TNFRSF10D: variants seen among roughly 807,000 people sequenced by gnomAD.
TNFRSF10D encodes the protein tumor necrosis factor receptor superfamily member 10D.
A neutral mutation model predicts 42.1 loss-of-function variants in TNFRSF10D; 28 were observed. The observed-to-expected ratio is 0.66, with a 90% CI of 0.49 to 0.91. TNFRSF10D has a LOEUF of 0.91. TNFRSF10D is among the 40% of genes least tolerant of loss of function. The pLI is 0.00. For synonymous variants in TNFRSF10D, 186 were observed against 189.4 expected, an observed-to-expected ratio of 0.98 and a Z score of 0.15; for missense variants, 503 against 486.1, an observed-to-expected ratio of 1.03 and a Z score of -0.33.
intron 1 of TNFRSF10D, among the ~76,000 whole-genome samples, chr8:23,155,358 C>T (rs9314262): frequency 0.99 from 151,135 of 151,958 alleles, 75,166 homozygotes; most frequent in Middle Eastern, 1. Flanking sequence ...GTGATCCTCC[C>T]GCCTCAGTCT....
chr8:23,156,194 A>T (rs887717282), intron 1 of TNFRSF10D, among the ~76,000 whole-genome samples: 7 of 152,124 alleles, frequency 4.6e-5, no homozygotes, highest in East Asian at 1.9e-4. Context: ...TATTTTTCAA[A>T]TTTTTTTTGC....
chr8:23,150,991 GTAAT>G (rs1354524080), intron 2 of TNFRSF10D, among the ~76,000 whole-genome samples: 1 of 152,150 alleles, frequency 6.6e-6, no homozygotes, highest in Non-Finnish European at 1.5e-5. Context: ...AACAGAAAGT[GTAAT>G]TAAAGAAATA....
chr8:23,161,288 G>A (rs962448052), intron 1 of TNFRSF10D, among the ~76,000 whole-genome samples: 1 of 152,238 alleles, frequency 6.6e-6, no homozygotes, highest in Non-Finnish European at 1.5e-5. Flanking sequence ...AATCTCAGGA[G>A]TCCTTGAGAG....
At chr8:23,151,497 A>G (rs975597188) in intron 2 of TNFRSF10D, among the ~76,000 whole-genome samples, 4 of 152,266 alleles carry the variant, frequency 2.6e-5, no homozygotes, top group Non-Finnish European at 4.4e-5. Flanking sequence ...TACATGGTCA[A>G]GTTCAGAATA....
At chr8:23,159,203 G>C (rs1335052499) in intron 1 of TNFRSF10D, among the ~76,000 whole-genome samples, 1 of 151,958 alleles carries the variant, frequency 6.6e-6, no homozygotes. Flanking sequence ...TGGGCTCTAA[G>C]GATGCACCCA....
intron 1 of TNFRSF10D, among the ~76,000 whole-genome samples, chr8:23,157,236 T>C (rs1188371223): frequency 6.6e-6 from 1 of 152,082 alleles, no homozygotes; most frequent in Non-Finnish European, 1.5e-5. Flanking sequence ...GAAAGCTGTA[T>C]TATTTCACTC....
rs1289151608 is a variant in TNFRSF10D at position 23,136,799 on chromosome 8, A to T, written c.*1071T>A. The stretch of plus-strand genomic sequence containing the variant: ...CATCTACTTATAAATAAATAAATAA[A>T]TATTTATTTATAAATAAATATGGCT... On this transcript the variant is annotated 3_prime_UTR_variant, in exon 9 of 9. Coordinates refer to ENST00000312584, the MANE Select transcript of TNFRSF10D (RefSeq NM_003840.5). 3 of 151,808 alleles carry T rather than the reference A, an allele frequency of 2.0e-5. No homozygotes were observed. Among genetic ancestry groups the T allele is most frequent in the Admixed American group, 6.6e-5 (1 of 15,242 alleles). 9.4% of individuals were successfully genotyped at this position (151,808 alleles called of 1,614,324 possible). A position where few individuals can be genotyped will look rare whatever the true frequency, so the allele number is the denominator to read the frequency against.
At chr8:23,161,192 T>C (rs1406068947) in intron 1 of TNFRSF10D, among the ~76,000 whole-genome samples, 1 of 152,228 alleles carries the variant, frequency 6.6e-6, no homozygotes, top group Non-Finnish European at 1.5e-5. Flanking sequence ...TTATCTCCTC[T>C]TCACTTTACA....
intron 1 of TNFRSF10D, among the ~76,000 whole-genome samples, chr8:23,160,020 A>G (rs1056090881): frequency 1.3e-5 from 2 of 152,018 alleles, no homozygotes; most frequent in African/African-American, 4.8e-5. Context: ...CTCCACGCCA[A>G]CAATACCACA....
chr8:23,138,709 G>T (rs1424493355), intron 7 of TNFRSF10D, among the ~76,000 whole-genome samples: 1 of 152,130 alleles, frequency 6.6e-6, no homozygotes, highest in Non-Finnish European at 1.5e-5. Context: ...AATGATCTTT[G>T]ATCATCAGTA....
intron 2 of TNFRSF10D, among the ~76,000 whole-genome samples, chr8:23,152,459 A>C (rs781286105): frequency 1.2e-4 from 19 of 152,222 alleles, no homozygotes; most frequent in Non-Finnish European, 2.8e-4. Context: ...GCTGTGAACC[A>C]TTAGGTTTTA....
chr8:23,146,024 C>A, intron 4 of TNFRSF10D, 103 bp from the exon 5 acceptor site: 1 of 1,512,622 alleles, frequency 6.6e-7, no homozygotes, highest in South Asian at 1.2e-5. Context: ...GAGAAGGCGT[C>A]AGGAGGACAG....
At chr8:23,149,019 T>C (rs965470271) in intron 2 of TNFRSF10D, among the ~76,000 whole-genome samples, 6 of 151,072 alleles carry the variant, frequency 4.0e-5, no homozygotes, top group Admixed American at 6.6e-5. Flanking sequence ...TGAAACCCCA[T>C]CTCTACTAAA....
At chr8:23,152,908 C>G (rs1800228603) in intron 2 of TNFRSF10D, among the ~76,000 whole-genome samples, 1 of 152,012 alleles carries the variant, frequency 6.6e-6, no homozygotes, top group African/African-American at 2.4e-5. Flanking sequence ...CTCAAATAGC[C>G]AAAGTGATCT....
intron 2 of TNFRSF10D, among the ~76,000 whole-genome samples, chr8:23,152,291 A>T (rs1800221519): frequency 6.6e-6 from 1 of 152,226 alleles, no homozygotes; most frequent in Non-Finnish European, 1.5e-5. Flanking sequence ...GTGGGGAGCT[A>T]TCCAGTCCGA....
intron 2 of TNFRSF10D, among the ~76,000 whole-genome samples, chr8:23,148,930 C>A (rs1046848795): frequency 6.6e-6 from 1 of 151,432 alleles, no homozygotes; most frequent in Non-Finnish European, 1.5e-5. Flanking sequence ...GTGGCTCACG[C>A]CTGTAATCCC....
Position 23,154,553 on chromosome 8 carries a change from T to G in TNFRSF10D, c.256+321A>C, listed in dbSNP as rs577628291. On this transcript the variant is annotated intron_variant, in intron 2 of 8. Coordinates refer to ENST00000312584, the MANE Select transcript of TNFRSF10D (RefSeq NM_003840.5). The stretch of plus-strand genomic sequence containing the variant: ...TCTACTTTTATTGACATGTTATCAT[T>G]TTCATTATTTTTTCCACATATTTTT... Among the ~76,000 whole-genome samples, 11 of 152,302 alleles carry G rather than the reference T, an allele frequency of 7.2e-5. No homozygotes were observed. In the South Asian group the frequency reaches 2.1e-3, roughly 29 times the overall value.
At chr8:23,159,024 T>C (rs114458025) in intron 1 of TNFRSF10D, among the ~76,000 whole-genome samples, 622 of 151,618 alleles carry the variant, frequency 4.1e-3, no homozygotes, top group African/African-American at 0.013. Flanking sequence ...AGATTAGTTG[T>C]ATTTTAATAA....
At chr8:23,158,166 G>A (rs183901621) in intron 1 of TNFRSF10D, among the ~76,000 whole-genome samples, 807 of 145,522 alleles carry the variant, frequency 5.5e-3, no homozygotes, top group African/African-American at 0.019. Flanking sequence ...CTGTTCTAAA[G>A]CTTTTTTAAT....
Sources: allele counts gnomAD v4.1 joint callset (sites outside exome capture counted in the v4.1 genomes callset), GRCh38; gene constraint gnomAD v4.1.1; transcripts MANE v1.5; gene names NCBI Gene and HGNC (gene_info 2026-07-23, HGNC 2026-07-21).